The following SCYL2 variants were observed in gnomAD, a reference collection of about 807,000 sequenced individuals.
SCYL2 encodes SCY1-like protein 2.
Under a neutral mutation model 100.4 loss-of-function variants are expected in SCYL2, and 36 were observed. The ratio of observed to expected loss-of-function variants is 0.36; its 90% confidence interval spans 0.27 to 0.47. The LOEUF is 0.47. Among genes scored for constraint, SCYL2 ranks in the 20% least tolerant of loss-of-function variants. The pLI, the probability that SCYL2 is intolerant of heterozygous loss-of-function variation, is 1.00. For synonymous variants in SCYL2, 330 were observed against 359.2 expected, an observed-to-expected ratio of 0.92 and a Z score of 0.92; for missense variants, 902 against 1,083.9, an observed-to-expected ratio of 0.83 and a Z score of 2.36.
intron 13 of SCYL2, among the ~76,000 whole-genome samples, chr12:100,332,594 A>G (rs1056969097): frequency 1.1e-4 from 16 of 152,206 alleles, no homozygotes; most frequent in African/African-American, 3.6e-4. Flanking sequence ...AGTCTAAACT[A>G]TGCTGCTAGA....
At chr12:100,320,544 T>C (rs7959883) in intron 10 of SCYL2, among the ~76,000 whole-genome samples, 6,112 of 123,040 alleles carry the variant, frequency 0.05, 442 homozygotes, top group African/African-American at 0.17. Context: ...TGAGACTCCG[T>C]CTCAAAAATA....
chr12:100,339,391 T>C lies in SCYL2; in HGVS notation c.*219T>C, dbSNP rs1952325054. The C allele has an allele frequency of 2.1e-6, 1 of 481,874 alleles. No individual in the cohort carries two copies. Among genetic ancestry groups the C allele is most frequent in the Non-Finnish European group, 3.6e-6 (1 of 276,938 alleles). The allele number at this position is 481,874 out of a possible 1,614,324, so 29.8% of individuals were successfully genotyped here. A position where few individuals can be genotyped will look rare whatever the true frequency, so the allele number is the denominator to read the frequency against. ...GATTTTTTCCTCTTACCAACTCCTC[T>C]TCAGGTTTTTAAAGACCCAGCCCTT... On this transcript the variant is annotated 3_prime_UTR_variant, in exon 18 of 18. Coordinates refer to ENST00000360820, the MANE Select transcript of SCYL2 (RefSeq NM_017988.6).
At chr12:100,278,293 G>C (rs2096294590) in intron 1 of SCYL2, among the ~76,000 whole-genome samples, 1 of 151,980 alleles carries the variant, frequency 6.6e-6, no homozygotes, top group South Asian at 2.1e-4. Flanking sequence ...TCCACCTCCT[G>C]GTCTCAATTG....
intron 4 of SCYL2, among the ~76,000 whole-genome samples, chr12:100,303,887 T>G (rs902946167): frequency 4.6e-5 from 7 of 152,190 alleles, no homozygotes; most frequent in African/African-American, 1.4e-4. Context: ...ATGCTCTGTC[T>G]CAGGGAAATG....
intron 13 of SCYL2, among the ~76,000 whole-genome samples, chr12:100,332,190 A>G (rs1274455261): frequency 6.6e-6 from 1 of 152,200 alleles, no homozygotes; most frequent in African/African-American, 2.4e-5. Flanking sequence ...AATGTTGCCA[A>G]CCAGGGAAAC....
intron 10 of SCYL2, among the ~76,000 whole-genome samples, chr12:100,322,572 C>T (rs1306837021): frequency 1.3e-5 from 2 of 151,946 alleles, no homozygotes; most frequent in African/African-American, 2.4e-5. Flanking sequence ...GCCTGGGAAA[C>T]ATAGTGAGAC....
intron 13 of SCYL2, chr12:100,333,686 A>C (rs1952239516): frequency 6.5e-6 from 1 of 153,306 alleles, no homozygotes; most frequent in Non-Finnish European, 1.5e-5. Flanking sequence ...GATTATGTAC[A>C]TTTAATTTTT....
chr12:100,313,115 G>T (rs904604016), intron 6 of SCYL2, among the ~76,000 whole-genome samples: 21 of 152,192 alleles, frequency 1.4e-4, no homozygotes, highest in African/African-American at 5.1e-4. Flanking sequence ...GGGTGACAGA[G>T]TGAGACCCTG....
intron 3 of SCYL2, among the ~76,000 whole-genome samples, chr12:100,294,211 C>A (rs1313094077): frequency 2.1e-5 from 3 of 143,698 alleles, no homozygotes; most frequent in African/African-American, 5.1e-5. Flanking sequence ...GGGGGGGTGA[C>A]CCCCCCACCT....
rs117539010 is a variant in SCYL2, at chr12:100,324,166, A to G, written c.1509+528A>G. ...ACCAAGGAAATAGTTACCTTCTTTGAATACAAAATTTTAACATTCAGTTAC... is the reference window on the plus strand; with the variant it reads ...ACCAAGGAAATAGTTACCTTCTTTGGATACAAAATTTTAACATTCAGTTAC... On this transcript the variant is annotated intron_variant, in intron 11 of 17. Coordinates refer to ENST00000360820, the MANE Select transcript of SCYL2 (RefSeq NM_017988.6). Among the ~76,000 whole-genome samples the G allele has an allele frequency of 2.2e-3, 332 of 152,320 alleles. 5 individuals are homozygous for G. The East Asian group carries it at 0.037, about 17-fold the overall frequency.
intron 11 of SCYL2, 136 bp from the exon 12 acceptor site, chr12:100,326,486 A>G (rs1220548880): frequency 2.9e-5 from 17 of 583,292 alleles, no homozygotes; most frequent in Non-Finnish European, 4.6e-5. Flanking sequence ...TATGTTGATA[A>G]AGGATGAGAG....
At chr12:100,311,689 G>A (rs1389997445) in intron 5 of SCYL2, among the ~76,000 whole-genome samples, 2 of 152,210 alleles carry the variant, frequency 1.3e-5, no homozygotes, top group East Asian at 1.9e-4. Context: ...AATTTAGGTA[G>A]ATGGTAAGTG....
At chr12:100,294,276 C>G (rs2096314621) in intron 3 of SCYL2, among the ~76,000 whole-genome samples, 2 of 139,148 alleles carry the variant, frequency 1.4e-5, no homozygotes, top group South Asian at 4.8e-4. Flanking sequence ...AACCTCCCTC[C>G]CGGACGGGGC....
At chr12:100,309,106 TTGTG>T (rs143410251) in intron 4 of SCYL2, among the ~76,000 whole-genome samples, 3,299 of 148,132 alleles carry the variant, frequency 0.022, 38 homozygotes, top group Non-Finnish European at 0.028. Context: ...GTATTTTGAT[TTGTG>T]TGTGTGTGTG....
chr12:100,271,028 TTTGTAA>T (rs1339461926), intron 1 of SCYL2, among the ~76,000 whole-genome samples: 3 of 152,086 alleles, frequency 2.0e-5, no homozygotes, highest in African/African-American at 4.8e-5. Context: ...TTAGATACTC[TTTGTAA>T]TTGTAAAGAG....
At chr12:100,302,747 A>G (rs149614832) in intron 4 of SCYL2, among the ~76,000 whole-genome samples, 18,534 of 152,150 alleles carry the variant, frequency 0.12, 1,517 homozygotes, top group Non-Finnish European at 0.18. Flanking sequence ...GCTCTTCTCA[A>G]GAAGTATCTT....
chr12:100,328,066 C>T (rs901438890), intron 12 of SCYL2, among the ~76,000 whole-genome samples: 4 of 151,930 alleles, frequency 2.6e-5, no homozygotes, highest in South Asian at 4.2e-4. Context: ...TCACTTGAGC[C>T]CAGGAGTTCA....
intron 10 of SCYL2, among the ~76,000 whole-genome samples, chr12:100,320,224 TAGTTCCTCATCCCGGCTGTTATTA>T (rs1207379566): frequency 6.6e-6 from 1 of 152,186 alleles, no homozygotes; most frequent in Admixed American, 6.5e-5. Context: ...GTTATTAAAA[TAGTTCCTCATCCCGGCTGTTATTA>T]AGTTCCTCAT....
intron 4 of SCYL2, among the ~76,000 whole-genome samples, chr12:100,303,237 G>T (rs143148274): frequency 6.6e-6 from 1 of 152,072 alleles, no homozygotes; most frequent in Non-Finnish European, 1.5e-5. Context: ...ACCTTCTGAA[G>T]CCTACTTCTG....
Sources: allele counts gnomAD v4.1 joint callset (sites outside exome capture counted in the v4.1 genomes callset), GRCh38; gene constraint gnomAD v4.1.1; transcripts MANE v1.5; gene names NCBI Gene and HGNC (gene_info 2026-07-23, HGNC 2026-07-21).